CNTNAP2: variants seen among roughly 807,000 people sequenced by gnomAD.
CNTNAP2 encodes contactin-associated protein-like 2.
A neutral mutation model predicts 155.2 loss-of-function variants in CNTNAP2; 98 were observed. The ratio of observed to expected loss-of-function variants is 0.63; its 90% CI spans 0.54 to 0.75. The LOEUF is 0.75. CNTNAP2 is among the 30% of genes least tolerant of loss of function. The pLI, the probability that CNTNAP2 is intolerant of heterozygous loss-of-function variation, is 0.00. For missense variants in CNTNAP2, 1,727 were observed against 1,688.1 expected (o/e 1.02, Z -0.40); for synonymous variants, 651 against 631.2 (o/e 1.03, Z -0.47).
rs1799349527 is a variant in CNTNAP2 at position 148,391,520 on chromosome 7, T to TAAGTA, written c.3715+7633_3715+7637dup. ...TTCTAGTTATTTCCCTCTTTGATAA[T>TAAGTA]AAGTACAGCCTGTTTCTAAACCATT... On this transcript the variant is annotated intron_variant, in intron 22 of 23. Coordinates refer to ENST00000361727, the MANE Select transcript of CNTNAP2 (RefSeq NM_014141.6). 4.4e-5 allele frequency among the ~76,000 whole-genome samples: 6 copies of TAAGTA among 137,062 alleles called. No homozygotes were observed. In the South Asian group the frequency reaches 1.3e-3, roughly 30 times the overall value. The allele number at this position is 137,062 out of a possible 152,430, so 89.9% of individuals were successfully genotyped here. A position where few individuals can be genotyped will look rare whatever the true frequency, so the allele number is the denominator to read the frequency against.
intron 12 of CNTNAP2, among the ~76,000 whole-genome samples, chr7:147,568,321 A>T (rs140709555): frequency 3.5e-4 from 53 of 152,298 alleles, no homozygotes; most frequent in Middle Eastern, 3.4e-3. Context: ...AGTTTGACAT[A>T]AATTGACTCT....
chr7:147,811,770 T>G (rs773892273), intron 13 of CNTNAP2, among the ~76,000 whole-genome samples: 1 of 152,192 alleles, frequency 6.6e-6, no homozygotes, highest in African/African-American at 2.4e-5. Flanking sequence ...TATATTTGTA[T>G]GCTTTTTGAT....
intron 1 of CNTNAP2, among the ~76,000 whole-genome samples, chr7:146,739,712 G>T (rs1191997801): frequency 3.3e-5 from 5 of 151,856 alleles, no homozygotes; most frequent in Admixed American, 3.3e-4. Flanking sequence ...TTCTGCCTGG[G>T]TGATCTGTCC....
intron 13 of CNTNAP2, among the ~76,000 whole-genome samples, chr7:147,858,714 C>T (rs889971112): frequency 1.6e-4 from 25 of 152,022 alleles, no homozygotes; most frequent in African/African-American, 4.1e-4. Context: ...ACAGGGAGGG[C>T]GCCAGGTGAG....
At chr7:147,187,858 G>A (rs1162043883) in intron 8 of CNTNAP2, among the ~76,000 whole-genome samples, 2 of 152,132 alleles carry the variant, frequency 1.3e-5, no homozygotes, top group Admixed American at 6.5e-5. Context: ...TCAGGAGTTC[G>A]AGATCAGCCT....
chr7:147,159,967 G>T (rs1801996587), intron 8 of CNTNAP2, among the ~76,000 whole-genome samples: 1 of 146,782 alleles, frequency 6.8e-6, no homozygotes, highest in Non-Finnish European at 1.5e-5. Context: ...TTGCAAAACA[G>T]AAGTGACATA....
intron 16 of CNTNAP2, among the ~76,000 whole-genome samples, chr7:148,125,687 G>A (rs200793927): frequency 4.4e-5 from 6 of 136,142 alleles, no homozygotes; most frequent in Admixed American, 2.2e-4. Flanking sequence ...GTGTGTGTGT[G>A]TGTATATATA....
At chr7:147,837,183 C>T (rs851706) in intron 13 of CNTNAP2, among the ~76,000 whole-genome samples, 4 of 152,284 alleles carry the variant, frequency 2.6e-5, no homozygotes, top group East Asian at 1.9e-4. Context: ...GTTTAATGGA[C>T]TCACAGTTCC....
chr7:146,161,424 G>C (rs1798220233), intron 1 of CNTNAP2, among the ~76,000 whole-genome samples: 1 of 151,548 alleles, frequency 6.6e-6, no homozygotes, highest in African/African-American at 2.4e-5. Flanking sequence ...CCTGTTTGCA[G>C]ATGTAAAATA....
At chr7:146,892,948 C>T (rs1795809628) in intron 3 of CNTNAP2, among the ~76,000 whole-genome samples, 1 of 152,070 alleles carries the variant, frequency 6.6e-6, no homozygotes, top group Admixed American at 6.6e-5. Context: ...TATGCAGAGA[C>T]AACTCATGTT....
intron 2 of CNTNAP2, among the ~76,000 whole-genome samples, chr7:146,779,493 C>T (rs553858141): frequency 6.6e-6 from 1 of 152,162 alleles, no homozygotes; most frequent in African/African-American, 2.4e-5. Flanking sequence ...TGAATTAGCC[C>T]AATGATGGTG....
chr7:146,648,178 C>T (rs576491696), intron 1 of CNTNAP2, among the ~76,000 whole-genome samples: 3 of 152,120 alleles, frequency 2.0e-5, no homozygotes, highest in Non-Finnish European at 4.4e-5. Context: ...TTAAATGTAA[C>T]CCTTAATACC....
rs184459380 is a variant in CNTNAP2 at position 148,081,513 on chromosome 7, T to C, written c.2384-36605T>C. On this transcript the variant is annotated intron_variant, in intron 15 of 23. Transcript: ENST00000361727. ...CCTCCCAGCCTACCTCTTTCTCCCATGCTTGATGCTTCCTGCCCTCAAACA... is the reference window on the plus strand; with the variant it reads ...CCTCCCAGCCTACCTCTTTCTCCCACGCTTGATGCTTCCTGCCCTCAAACA... Among the ~76,000 whole-genome samples the C allele has an allele frequency of 5.9e-5, 9 of 152,262 alleles. No homozygotes were observed. The East Asian group carries it at 1.6e-3, about 26-fold the overall frequency.
At chr7:147,886,526 C>CTTGAAG (rs1364033237) in intron 13 of CNTNAP2, among the ~76,000 whole-genome samples, 83 of 90,050 alleles carry the variant, frequency 9.2e-4, no homozygotes, top group African/African-American at 5.2e-3. Flanking sequence ...ATCTCTCTCT[C>CTTGAAG]TCTTGAAGTC....
intron 15 of CNTNAP2, among the ~76,000 whole-genome samples, chr7:147,983,048 CAAGGCAAT>C (rs71527863): frequency 0.53 from 76,339 of 143,442 alleles, 21,030 homozygotes; most frequent in Middle Eastern, 0.74. Context: ...CAAAAACAGA[CAAGGCAAT>C]AAGGCAATGC....
At chr7:146,216,995 A>G (rs1799124975) in intron 1 of CNTNAP2, among the ~76,000 whole-genome samples, 1 of 152,182 alleles carries the variant, frequency 6.6e-6, no homozygotes, top group African/African-American at 2.4e-5. Flanking sequence ...TATTGCTCAA[A>G]CATTTCATCA....
chr7:148,048,492 C>T (rs1318203418), intron 15 of CNTNAP2, among the ~76,000 whole-genome samples: 3 of 152,024 alleles, frequency 2.0e-5, no homozygotes, highest in Non-Finnish European at 4.4e-5. Flanking sequence ...GAATCCAGTC[C>T]AATGGCAGGG....
rs377558386 is a variant in CNTNAP2 at position 147,671,128 on chromosome 7, T to C, written c.2098+31822T>C. ...GATCCGAGTGAGTGGAGCTGGCTCC[T>C]GCCTGCGCTGAAGCAGCCAGTTGGT... On this transcript the variant is annotated intron_variant, in intron 13 of 23. Coordinates refer to ENST00000361727, the MANE Select transcript of CNTNAP2 (RefSeq NM_014141.6). Among the ~76,000 whole-genome samples the C allele has an allele frequency of 1.2e-3, 183 of 152,356 alleles. 1 individual carries two copies. Among genetic ancestry groups the C allele is most frequent in the African/African-American group, 4.1e-3 (172 of 41,594 alleles).
At chr7:147,455,722 C>T (rs1412913072) in intron 10 of CNTNAP2, among the ~76,000 whole-genome samples, 1 of 151,990 alleles carries the variant, frequency 6.6e-6, no homozygotes, top group Admixed American at 6.6e-5. Context: ...AAAACAACAA[C>T]AATAACAACA....
Sources: allele counts gnomAD v4.1 joint callset (sites outside exome capture counted in the v4.1 genomes callset), GRCh38; gene constraint gnomAD v4.1.1; transcripts MANE v1.5; gene names NCBI Gene and HGNC (gene_info 2026-07-23, HGNC 2026-07-21).